UBE4B: variants seen among roughly 807,000 people sequenced by gnomAD.
The protein encoded by UBE4B is ubiquitination factor E4B.
UBE4B carries 27 observed loss-of-function variants against 148.1 expected under a neutral mutation model. The observed-to-expected ratio is 0.18, with a 90% CI of 0.13 to 0.25. The LOEUF (loss-of-function observed/expected upper bound fraction) is 0.25. UBE4B is among the 10% of genes least tolerant of loss of function. The pLI is 1.00. For synonymous variants in UBE4B, 596 were observed against 619.3 expected, an observed-to-expected ratio of 0.96 and a Z score of 0.56; for missense variants, 1,170 against 1,662.4, an observed-to-expected ratio of 0.70 and a Z score of 5.15.
intron 27 of UBE4B, 149 bp downstream of exon 27, chr1:10,179,711 C>A: frequency 7.1e-7 from 1 of 1,413,580 alleles, no homozygotes; most frequent in Non-Finnish European, 9.5e-7. Flanking sequence ...ACCCAAAACA[C>A]TCTTGGCCCT....
intron 20 of UBE4B, 52 bp downstream of exon 20, chr1:10,149,334 G>T: frequency 7.1e-7 from 1 of 1,399,526 alleles, no homozygotes. Flanking sequence ...ATGCATAATA[G>T]TATAATATTC....
intron 21 of UBE4B, among the ~76,000 whole-genome samples, chr1:10,155,834 C>T (rs1466971355): frequency 6.6e-6 from 1 of 152,114 alleles, no homozygotes; most frequent in Non-Finnish European, 1.5e-5. Context: ...ACCAGCCTGG[C>T]CAACATGGCG....
chr1:10,078,338 G>C (rs1201996049), intron 2 of UBE4B, among the ~76,000 whole-genome samples: 1 of 152,100 alleles, frequency 6.6e-6, no homozygotes, highest in Non-Finnish European at 1.5e-5. Context: ...TTAAAATGTA[G>C]GGCTTACTGC....
chr1:10,086,537 T>G (rs1045130017), intron 2 of UBE4B, among the ~76,000 whole-genome samples: 2 of 152,214 alleles, frequency 1.3e-5, no homozygotes, highest in Non-Finnish European at 2.9e-5. Flanking sequence ...TTAGGTGGAT[T>G]ATAATTTACA....
intron 14 of UBE4B, 82 bp downstream of exon 14, chr1:10,130,895 T>TA: frequency 1.6e-6 from 2 of 1,238,414 alleles, no homozygotes; most frequent in Non-Finnish European, 2.3e-6. Flanking sequence ...GACTGGACTA[T>TA]GCCCAGTAGA....
chr1:10,168,207 C>T lies in UBE4B; in HGVS notation c.3270C>T (p.Ala1090=). The T allele has an allele frequency of 1.2e-6, 2 of 1,614,184 alleles. No individual in the cohort carries two copies. Among genetic ancestry groups the T allele is most frequent in the Non-Finnish European group, 1.7e-6 (2 of 1,180,038 alleles). The change falls in exon 24 of 28, where the codon GCC becomes GCT. Residue 1090 remains alanine, a synonymous_variant. Transcript: ENST00000343090. This position sits in a 1 kb window ranked among gnomAD's most constrained non-coding sequence, Gnocchi z 4.9. The part of the protein sequence containing the change: ...ERVSRSYLAL[A]TETVDMFHIL... ...TGTCCCGCTCTTACCTCGCCCTGGC[C>T]ACCGAAACCGTGGACATGTTCCACA...
chr1:10,061,445 CG>C (rs1406564917), intron 1 of UBE4B, among the ~76,000 whole-genome samples: 5 of 152,000 alleles, frequency 3.3e-5, no homozygotes, highest in Non-Finnish European at 5.9e-5. Flanking sequence ...TTATTAGAGA[CG>C]GGGTTTCACC....
intron 22 of UBE4B, among the ~76,000 whole-genome samples, chr1:10,160,625 T>C (rs1281187058): frequency 1.3e-5 from 2 of 152,174 alleles, no homozygotes; most frequent in Non-Finnish European, 2.9e-5. Flanking sequence ...ACCACTGGAA[T>C]GAGCTTATCA....
intron 23 of UBE4B, among the ~76,000 whole-genome samples, chr1:10,162,436 G>A (rs1646179091): frequency 6.6e-6 from 1 of 151,798 alleles, no homozygotes; most frequent in Admixed American, 6.6e-5. Flanking sequence ...GCCTCCCAAA[G>A]TGCTGGGATT....
chr1:10,141,022 T>C (rs1034839523), intron 17 of UBE4B, among the ~76,000 whole-genome samples: 1 of 152,196 alleles, frequency 6.6e-6, no homozygotes, highest in African/African-American at 2.4e-5. Flanking sequence ...GGTATAATCA[T>C]GTCAGTGATT....
chr1:10,136,378 G>A lies in UBE4B; in HGVS notation c.2225-689G>A, dbSNP rs141028646. ...CCAGCCACCCAGGAGACTGAGGCAG[G>A]AGGATTGCCTGAGCCCAGGAAATTG... On this transcript the variant is annotated intron_variant, in intron 16 of 27. Transcript: ENST00000343090. 2.2e-4 allele frequency among the ~76,000 whole-genome samples: 33 copies of A among 152,082 alleles called. No homozygotes were observed. In the East Asian group the frequency reaches 6.4e-3, roughly 29 times the overall value.
chr1:10,136,519 G>A (rs1482872891), intron 16 of UBE4B, among the ~76,000 whole-genome samples: 1 of 151,048 alleles, frequency 6.6e-6, no homozygotes, highest in Non-Finnish European at 1.5e-5. Context: ...ATGGACATCT[G>A]TATGCACATT....
intron 1 of UBE4B, chr1:10,059,739 A>G (rs1644249824): frequency 6.6e-6 from 1 of 152,454 alleles, no homozygotes; most frequent in South Asian, 2.1e-4. Flanking sequence ...TCCACGTGTC[A>G]CAGTGACCAC....
Position 10,072,093 on chromosome 1 carries a change from C to T in UBE4B, c.90C>T (p.Thr30=). 6.2e-7 allele frequency: 1 copy of T among 1,613,404 alleles called. No homozygotes were observed. Among genetic ancestry groups the T allele is most frequent in the Non-Finnish European group, 8.5e-7 (1 of 1,179,720 alleles). The change falls in exon 2 of 28, where the codon ACC becomes ACT. Residue 30 remains threonine, a synonymous_variant. Coordinates refer to ENST00000343090, the MANE Select transcript of UBE4B (RefSeq NM_001105562.3). The part of the protein sequence containing the change: ...GQTSQPTTPL[T]SPQRENPPGP... ...CCTCTCAGCCAACCACCCCACTCACCTCTCCCCAGAGGGAGAACCCTCCGG... is the reference window on the plus strand; with the variant it reads ...CCTCTCAGCCAACCACCCCACTCACTTCTCCCCAGAGGGAGAACCCTCCGG...
intron 7 of UBE4B, among the ~76,000 whole-genome samples, chr1:10,109,929 C>T (rs1021431704): frequency 6.6e-6 from 1 of 152,060 alleles, no homozygotes; most frequent in Non-Finnish European, 1.5e-5. Context: ...AAACTTCTGA[C>T]CTCAGGTGGT....
intron 8 of UBE4B, among the ~76,000 whole-genome samples, chr1:10,119,176 C>A (rs186161961): frequency 2.0e-5 from 3 of 152,040 alleles, no homozygotes; most frequent in African/African-American, 7.2e-5. Flanking sequence ...CCACCGTGCC[C>A]GGCCCAGGCT....
At chr1:10,097,169 A>C (rs917579303) in intron 3 of UBE4B, among the ~76,000 whole-genome samples, 5 of 152,106 alleles carry the variant, frequency 3.3e-5, no homozygotes, top group Non-Finnish European at 2.9e-5. Flanking sequence ...AGAATTGACA[A>C]ACTGAAAGAG....
At chr1:10,088,466 C>G (rs573860020) in intron 2 of UBE4B, among the ~76,000 whole-genome samples, 5 of 151,990 alleles carry the variant, frequency 3.3e-5, no homozygotes, top group Non-Finnish European at 7.4e-5. Context: ...ACTTCCGCCT[C>G]CCGGGTTCAA....
intron 17 of UBE4B, among the ~76,000 whole-genome samples, chr1:10,143,096 A>G (rs1645809831): frequency 6.6e-6 from 1 of 151,942 alleles, no homozygotes; most frequent in African/African-American, 2.4e-5. Context: ...AGAGTGAGAG[A>G]CCCTGTCTCA....
Sources: allele counts gnomAD v4.1 joint callset (sites outside exome capture counted in the v4.1 genomes callset), GRCh38; gene constraint gnomAD v4.1.1; non-coding constraint Gnocchi (gnomAD v3.1); transcripts MANE v1.5; gene names NCBI Gene and HGNC (gene_info 2026-07-23, HGNC 2026-07-21).